Variants in HECW1 observed in about 807,000 individuals in gnomAD.
HECW1 encodes HECT, C2 and WW domain containing E3 ubiquitin protein ligase 1.
Under a neutral mutation model 182.3 loss-of-function variants are expected in HECW1, and 61 were observed. That is an observed-to-expected ratio of 0.33 (90% CI 0.27 to 0.41). The LOEUF (loss-of-function observed/expected upper bound fraction) is 0.41. HECW1 is among the 10% of genes least tolerant of loss of function. HECW1 has a pLI of 1.00. For missense variants in HECW1, 1,739 were observed against 2,108.9 expected, an observed-to-expected ratio of 0.82 and a Z score of 3.44; for synonymous variants, 859 against 832.6, an observed-to-expected ratio of 1.03 and a Z score of -0.55.
intron 8 of HECW1, among the ~76,000 whole-genome samples, chr7:43,428,546 T>C (rs1477728470): frequency 1.3e-5 from 2 of 152,056 alleles, no homozygotes; most frequent in East Asian, 3.9e-4. Context: ...CCAGTGGAAG[T>C]AAAGAGGAAA....
Position 43,360,961 on chromosome 7 carries a change from T to G in HECW1, c.536T>G (p.Val179Gly). 6.2e-7 allele frequency: 1 copy of G among 1,611,670 alleles called. No homozygotes were observed. The highest frequency in any genetic ancestry group is 8.5e-7 in the Non-Finnish European group (1 of 1,178,908). Reference protein sequence around the residue: ...ALRATTPSVTVKNSAAPIFKS... With the variant: ...ALRATTPSVTGKNSAAPIFKS... ...CGAGCAACCACCCCCAGTGTCACGGTCAAAAACTCGGCAGCTCCTGTAAGT... is the reference window on the plus strand; with the variant it reads ...CGAGCAACCACCCCCAGTGTCACGGGCAAAAACTCGGCAGCTCCTGTAAGT... Residue 179 changes from valine (V) to glycine (G), a missense_variant, in exon 6 of 30, where the codon GTC (valine) becomes GGC (glycine). This residue lies in a region of HECW1 where 279 missense variants were observed against 353.1 expected (regional missense o/e 0.79). Coordinates refer to ENST00000395891, the MANE Select transcript of HECW1 (RefSeq NM_015052.5).
intron 24 of HECW1, among the ~76,000 whole-genome samples, chr7:43,518,562 G>A (rs572384058): frequency 3.4e-4 from 52 of 151,218 alleles, no homozygotes; most frequent in Non-Finnish European, 6.2e-4. Context: ...CCATAAACAA[G>A]GTCAAAAGAC....
intron 13 of HECW1, 116 bp from the exon 14 acceptor site, chr7:43,463,544 C>A: frequency 1.1e-6 from 1 of 944,124 alleles, no homozygotes. Flanking sequence ...TTAAGCATTT[C>A]TTTCCTGACA....
intron 24 of HECW1, among the ~76,000 whole-genome samples, chr7:43,537,758 A>C (rs753697110): frequency 4.6e-5 from 7 of 152,174 alleles, no homozygotes; most frequent in African/African-American, 9.7e-5. Flanking sequence ...GTAAAGCCAA[A>C]CCACGTTATC....
chr7:43,285,124 T>C (rs1243080471), intron 3 of HECW1, among the ~76,000 whole-genome samples: 4 of 152,178 alleles, frequency 2.6e-5, no homozygotes, highest in Admixed American at 2.6e-4. Flanking sequence ...TACTGCTAAC[T>C]GGGTCTTGCT....
In HECW1 at chr7:43,300,985, C is replaced by T. The variant is rs1459218651; in HGVS notation, c.28-10778C>T. Reference sequence around the variant, plus strand: ...ACTTGATTGGTAAAGCTTCTCCCTGCATGTAGACCTTGGCATTCAGGAGAG... The same window carrying T: ...ACTTGATTGGTAAAGCTTCTCCCTGTATGTAGACCTTGGCATTCAGGAGAG... On this transcript the variant is annotated intron_variant, in intron 3 of 29. Coordinates refer to ENST00000395891, the MANE Select transcript of HECW1 (RefSeq NM_015052.5). Among the ~76,000 whole-genome samples, 3 of 152,216 alleles carry T rather than the reference C, an allele frequency of 2.0e-5. No individual in the cohort carries two copies. In the East Asian group the frequency reaches 5.8e-4, roughly 29 times the overall value.
chr7:43,185,749 C>T (rs1793336221), intron 2 of HECW1, among the ~76,000 whole-genome samples: 1 of 152,074 alleles, frequency 6.6e-6, no homozygotes, highest in Admixed American at 6.6e-5. Flanking sequence ...ACTTCAAAAG[C>T]ACAGATGACT....
At chr7:43,177,176 G>A (rs1326472760) in intron 2 of HECW1, among the ~76,000 whole-genome samples, 1 of 152,120 alleles carries the variant, frequency 6.6e-6, no homozygotes. Context: ...ACAGAAGCTT[G>A]GACCCTGGAA....
At chr7:43,280,968 C>T (rs1207583632) in intron 3 of HECW1, among the ~76,000 whole-genome samples, 1 of 151,890 alleles carries the variant, frequency 6.6e-6, no homozygotes, top group Non-Finnish European at 1.5e-5. Context: ...ACAGTATTCT[C>T]TTTTCCCGTT....
At chr7:43,233,029 T>C (rs1798017969) in intron 2 of HECW1, among the ~76,000 whole-genome samples, 1 of 152,212 alleles carries the variant, frequency 6.6e-6, no homozygotes, top group South Asian at 2.1e-4. Context: ...CTCATAGTTC[T>C]CAGCAGGCAC....
At chr7:43,140,122 A>AT (rs1282029463) in intron 2 of HECW1, among the ~76,000 whole-genome samples, 1 of 102,356 alleles carries the variant, frequency 9.8e-6, no homozygotes, top group Non-Finnish European at 2.0e-5. Context: ...TATTTGTTTC[A>AT]TATTTTTTCC....
At chr7:43,134,843 G>C (rs1275860007) in intron 2 of HECW1, among the ~76,000 whole-genome samples, 1 of 152,054 alleles carries the variant, frequency 6.6e-6, no homozygotes, top group African/African-American at 2.4e-5. Flanking sequence ...GAAGTCTGAG[G>C]GCAGCCTAAA....
chr7:43,116,438 C>T (rs1342759295), intron 2 of HECW1, among the ~76,000 whole-genome samples: 4 of 152,172 alleles, frequency 2.6e-5, no homozygotes, highest in African/African-American at 4.8e-5. Flanking sequence ...ATGATGGACA[C>T]GTCTAGGGAA....
At chr7:43,229,169 C>T (rs74339799) in intron 2 of HECW1, among the ~76,000 whole-genome samples, 5,965 of 152,264 alleles carry the variant, frequency 0.039, 404 homozygotes, top group African/African-American at 0.14. Context: ...GTTGAGCTCT[C>T]TCCTCCTTCC....
intron 3 of HECW1, among the ~76,000 whole-genome samples, chr7:43,297,049 C>G (rs559545761): frequency 1.2e-3 from 183 of 152,306 alleles, no homozygotes; most frequent in African/African-American, 4.2e-3. Context: ...TGGGCCCCAT[C>G]CAGCCTATTG....
At chr7:43,242,929 C>T (rs1489361499) in intron 2 of HECW1, among the ~76,000 whole-genome samples, 1 of 152,108 alleles carries the variant, frequency 6.6e-6, no homozygotes, top group Non-Finnish European at 1.5e-5. Flanking sequence ...GTTGAATTCT[C>T]TCCGTCTTCT....
intron 2 of HECW1, among the ~76,000 whole-genome samples, chr7:43,209,708 G>T (rs112812992): frequency 4.6e-5 from 7 of 152,296 alleles, no homozygotes; most frequent in African/African-American, 1.7e-4. Context: ...CACAAGTGCT[G>T]GGAAGGAGAA....
At chr7:43,171,478 AGGCTCCAAGGAAAGACGACCCTCAGG>A (rs1446578038) in intron 2 of HECW1, among the ~76,000 whole-genome samples, 1 of 152,224 alleles carries the variant, frequency 6.6e-6, no homozygotes, top group African/African-American at 2.4e-5. Flanking sequence ...CGTGCTGGCC[AGGCTCCAAGGAAAGACGACCCTCAGG>A]GGCTCCAAGG....
At chr7:43,491,116 T>C (rs1259540662) in intron 17 of HECW1, among the ~76,000 whole-genome samples, 1 of 152,214 alleles carries the variant, frequency 6.6e-6, no homozygotes, top group Admixed American at 6.5e-5. Flanking sequence ...AGCAAGTTAT[T>C]TATCTCTGAA....
Sources: allele counts gnomAD v4.1 joint callset (sites outside exome capture counted in the v4.1 genomes callset), GRCh38; gene constraint gnomAD v4.1.1; regional missense constraint gnomAD v4.1.1; transcripts MANE v1.5; gene names NCBI Gene and HGNC (gene_info 2026-07-23, HGNC 2026-07-21).